The following DAB1 variants were observed in gnomAD, a reference collection of about 807,000 sequenced individuals.
DAB1 encodes disabled homolog 1.
In DAB1, 15 loss-of-function variants were observed where a neutral mutation model predicts 64.6. The observed-to-expected ratio is 0.23, with a 90% CI of 0.16 to 0.36. The LOEUF (loss-of-function observed/expected upper bound fraction) is 0.36, where lower values mean the gene tolerates loss of function less well. Ranked by LOEUF, DAB1 falls within the 10% of genes least tolerant of loss-of-function variation. DAB1 has a pLI of 1.00. For synonymous variants in DAB1, 235 were observed against 251.9 expected (o/e 0.93, Z 0.64); for missense variants, 596 against 706.7 (o/e 0.84, Z 1.78).
Position 57,095,268 on chromosome 1 carries a change from T to G in DAB1, c.307-22854A>C, listed in dbSNP as rs556869020. ...CTGAGTGAGGCAAGCGCCCTTTGTG[T>G]CTTTACACTGCCTTGTTGGTTTGTC... On this transcript the variant is annotated intron_variant, in intron 4 of 14. Coordinates refer to ENST00000371236, the MANE Select transcript of DAB1 (RefSeq NM_001365792.1). Among the ~76,000 whole-genome samples the G allele has an allele frequency of 2.6e-5, 4 of 152,278 alleles. No individual in the cohort carries two copies. In the South Asian group the frequency reaches 6.2e-4, roughly 24 times the overall value.
chr1:58,086,174 G>A (rs1037121753), intron 5 of DAB1, among the ~76,000 whole-genome samples: 33 of 151,224 alleles, frequency 2.2e-4, no homozygotes, highest in Middle Eastern at 3.4e-3. Context: ...CGTTTTAGCC[G>A]GGATGGTCTC....
chr1:58,410,639 ACTT>A (rs1412426394), intron 3 of DAB1, among the ~76,000 whole-genome samples: 16 of 152,128 alleles, frequency 1.1e-4, no homozygotes, highest in Admixed American at 9.2e-4. Context: ...GATCTAAACT[ACTT>A]CTTCTGATTC....
intron 4 of DAB1, among the ~76,000 whole-genome samples, chr1:58,244,491 C>A (rs960210128): frequency 1.4e-4 from 22 of 152,296 alleles, no homozygotes; most frequent in African/African-American, 5.3e-4. Flanking sequence ...GTAAATGTCC[C>A]TCTCCCTTAA....
chr1:57,909,350 T>G (rs1644605885), intron 5 of DAB1, among the ~76,000 whole-genome samples: 1 of 152,186 alleles, frequency 6.6e-6, no homozygotes, highest in South Asian at 2.1e-4. Flanking sequence ...TCCTTTATGG[T>G]GAAAAACTTA....
At chr1:57,497,616 T>C (rs1644245108) in intron 7 of DAB1, among the ~76,000 whole-genome samples, 1 of 152,188 alleles carries the variant, frequency 6.6e-6, no homozygotes, top group African/African-American at 2.4e-5. Context: ...AGGAAGTGAC[T>C]TTCTGTGTAC....
At chr1:58,296,308 T>C (rs1437178290) in intron 4 of DAB1, among the ~76,000 whole-genome samples, 2 of 152,044 alleles carry the variant, frequency 1.3e-5, no homozygotes, top group African/African-American at 2.4e-5. Context: ...CACAGTGGTA[T>C]AGAGCCTTCT....
intron 3 of DAB1, among the ~76,000 whole-genome samples, chr1:58,395,071 T>C (rs901968863): frequency 6.6e-6 from 1 of 152,012 alleles, no homozygotes; most frequent in African/African-American, 2.4e-5. Context: ...GACACAAGCC[T>C]GTCAAAAAGC....
chr1:57,440,570 G>A (rs1000421767), intron 7 of DAB1, among the ~76,000 whole-genome samples: 11 of 152,186 alleles, frequency 7.2e-5, no homozygotes, highest in Non-Finnish European at 1.3e-4. Context: ...AGGAGGGAGG[G>A]AGGGAGGAAG....
intron 2 of DAB1, among the ~76,000 whole-genome samples, chr1:57,179,029 G>A (rs1421360277): frequency 6.6e-6 from 1 of 152,090 alleles, no homozygotes; most frequent in Non-Finnish European, 1.5e-5. Flanking sequence ...ATTTGGGAAG[G>A]AGACTCTCAG....
Position 58,368,716 on chromosome 1 carries a change from T to C in DAB1, n.258-25313A>G, listed in dbSNP as rs1276544092. Among the ~76,000 whole-genome samples, 3 of 152,254 alleles carry C rather than the reference T, an allele frequency of 2.0e-5. No individual in the cohort carries two copies. In the East Asian group the frequency reaches 5.8e-4, roughly 29 times the overall value. On this transcript the variant is annotated intron_variant and non_coding_transcript_variant, in intron 3 of 20. Coordinates refer to the DAB1 transcript ENST00000485760. Reference sequence around the variant, plus strand: ...TCCTCAGCCTGACCATCTCCACTTATACAAGCCCTCTATCCAACTGCCAGT... The same window carrying C: ...TCCTCAGCCTGACCATCTCCACTTACACAAGCCCTCTATCCAACTGCCAGT...
At position 57,226,663 on chromosome 1, in the gene DAB1, TA is replaced by T. The variant is rs71713506; in HGVS notation, c.67+64300del. On this transcript the variant is annotated intron_variant, in intron 2 of 14. Transcript: ENST00000371236. ...TCAGATCCTGTCACTCAAAAGTGGTTAAAAAAAAAATATATATATATATATA... is the reference window on the plus strand; with the variant it reads ...TCAGATCCTGTCACTCAAAAGTGGTTAAAAAAAAATATATATATATATATA... Among the ~76,000 whole-genome samples, 160 of 120,984 alleles carry T rather than the reference TA, an allele frequency of 1.3e-3. 1 individual carries two copies. Among genetic ancestry groups the T allele is most frequent in the Admixed American group, 4.2e-3 (52 of 12,250 alleles). The allele number at this position is 120,984 out of a possible 152,430, so 79.4% of individuals were successfully genotyped here. A position where few individuals can be genotyped will look rare whatever the true frequency, so the allele number is the denominator to read the frequency against.
chr1:57,799,850 T>C (rs1327406798), intron 6 of DAB1, among the ~76,000 whole-genome samples: 2 of 152,180 alleles, frequency 1.3e-5, no homozygotes, highest in African/African-American at 4.8e-5. Context: ...AGTTGTGTGC[T>C]TACTGTATGT....
At chr1:57,490,023 G>C (rs1644142374) in intron 7 of DAB1, among the ~76,000 whole-genome samples, 4 of 152,152 alleles carry the variant, frequency 2.6e-5, no homozygotes, top group Non-Finnish European at 5.9e-5. Flanking sequence ...GCCCAAGAAA[G>C]CTGCCTTGTC....
chr1:58,177,408 G>A (rs1336180398), intron 4 of DAB1, among the ~76,000 whole-genome samples: 1 of 152,118 alleles, frequency 6.6e-6, no homozygotes, highest in Non-Finnish European at 1.5e-5. Flanking sequence ...TAATTTGGTT[G>A]CCAAAATTAA....
intron 3 of DAB1, among the ~76,000 whole-genome samples, chr1:58,420,051 T>C (rs1246688307): frequency 6.6e-6 from 1 of 152,224 alleles, no homozygotes; most frequent in Non-Finnish European, 1.5e-5. Context: ...AGAAAGACAT[T>C]CCTGGAGTGG....
rs60562009 is a variant in DAB1 at position 58,334,570 on chromosome 1, G to C, written n.309+8782C>G. Among the ~76,000 whole-genome samples the C allele has an allele frequency of 3.9e-3, 581 of 149,838 alleles. 3 individuals are homozygous for C. Among genetic ancestry groups the C allele is most frequent in the African/African-American group, 9.2e-3 (379 of 41,094 alleles). ...TAGTGTGGAAAGCTCACAGGCAATA[G>C]AGCCTTTGAGCTATTTATCTTATAT... On this transcript the variant is annotated intron_variant and non_coding_transcript_variant, in intron 4 of 20. Transcript: ENST00000485760.
rs184150469 is a variant in DAB1 at position 58,193,979 on chromosome 1, C to T, written n.310-43391G>A. ...CCAAATTCAAAGGGTCTGCTCCAGC[C>T]ACTACAATAAATGAACAAAGGGAAG... On this transcript the variant is annotated intron_variant and non_coding_transcript_variant, in intron 4 of 20. Coordinates refer to the DAB1 transcript ENST00000485760. Among the ~76,000 whole-genome samples, 7 of 152,222 alleles carry T rather than the reference C, an allele frequency of 4.6e-5. No individual in the cohort carries two copies. In the East Asian group the frequency reaches 1.4e-3, roughly 29 times the overall value.
At chr1:58,404,313 GC>G (rs1293386647) in intron 3 of DAB1, among the ~76,000 whole-genome samples, 1 of 152,234 alleles carries the variant, frequency 6.6e-6, no homozygotes, top group Non-Finnish European at 1.5e-5. Flanking sequence ...TCGAGGATCA[GC>G]TTTCACAAGC....
intron 2 of DAB1, among the ~76,000 whole-genome samples, chr1:57,204,390 T>G (rs769854234): frequency 5.5e-5 from 8 of 145,546 alleles, no homozygotes; most frequent in Non-Finnish European, 8.9e-5. Context: ...ACGCAGACCC[T>G]AAGGCACCTC....
Sources: gnomAD v4.1 joint callset for allele counts (sites outside exome capture counted in the v4.1 genomes callset) on GRCh38, gnomAD v4.1.1 for gene constraint, MANE v1.5 for transcripts, NCBI Gene and HGNC (gene_info 2026-07-23, HGNC 2026-07-21) for gene names.